The following SLC4A8 variants were observed in gnomAD, a reference collection of about 807,000 sequenced individuals.
The protein encoded by SLC4A8 is electroneutral sodium bicarbonate exchanger 1.
In SLC4A8, 40 loss-of-function variants were observed where a neutral mutation model predicts 125.0. That is an observed-to-expected ratio of 0.32 (90% confidence interval 0.25 to 0.42). The LOEUF (loss-of-function observed/expected upper bound fraction) is 0.42, where lower values mean the gene tolerates loss of function less well. SLC4A8 is among the 10% of genes least tolerant of loss of function. The probability of loss-of-function intolerance (pLI) is 1.00; values close to 1 mark genes in which losing one functional copy is unlikely to be tolerated. For missense variants in SLC4A8, 863 were observed against 1,355.1 expected (o/e 0.64, Z 5.70); for synonymous variants, 456 against 476.0 (o/e 0.96, Z 0.55).
At chr12:51,485,385 T>C (rs1951135517) in intron 16 of SLC4A8, among the ~76,000 whole-genome samples, 1 of 152,012 alleles carries the variant, frequency 6.6e-6, no homozygotes, top group East Asian at 1.9e-4. Context: ...GGAGAGCCAA[T>C]AGGACTTGCA....
At chr12:51,447,056 G>GTCTATCTATCTGTCTA (rs1949794432) in intron 2 of SLC4A8, among the ~76,000 whole-genome samples, 2 of 147,320 alleles carry the variant, frequency 1.4e-5, no homozygotes, top group African/African-American at 5.0e-5. Flanking sequence ...CTGTCTGTCT[G>GTCTATCTATCTGTCTA]TCTATCTATC....
At chr12:51,402,022 C>A (rs879640242) in intron 1 of SLC4A8, among the ~76,000 whole-genome samples, 29 of 152,162 alleles carry the variant, frequency 1.9e-4, no homozygotes, top group Admixed American at 5.2e-4. Context: ...CCTCCTTCAG[C>A]CTCCCAAAGT....
At chr12:51,475,300 A>G in intron 16 of SLC4A8, 94 bp downstream of exon 16, 10 of 1,280,486 alleles carry the variant, frequency 7.8e-6, no homozygotes, top group Middle Eastern at 1.9e-4. Flanking sequence ...TTGATTGGCC[A>G]GGTGGAGAAC....
Position 51,403,357 on chromosome 12 carries a change from C to T in SLC4A8, c.-112+11869C>T, listed in dbSNP as rs1049916447. 1.9e-5 allele frequency: 8 copies of T among 419,888 alleles called. No individual in the cohort carries two copies. The East Asian group carries it at 5.9e-4, about 31-fold the overall frequency. The allele number at this position is 419,888 out of a possible 1,614,324, so 26.0% of individuals were successfully genotyped here. A position where few individuals can be genotyped will look rare whatever the true frequency, so the allele number is the denominator to read the frequency against. On this transcript the variant is annotated intron_variant, in intron 1 of 24. Coordinates refer to the SLC4A8 transcript ENST00000358657. The stretch of plus-strand genomic sequence containing the variant: ...TACTTACTCATTTCCAGAGTTTGGG[C>T]AGGAGCCATGACAGCCTGTTGATGA...
At chr12:51,491,740 G>GACACACACACACACACACACACACAC (rs35694156) in intron 19 of SLC4A8, among the ~76,000 whole-genome samples, 1 of 145,930 alleles carries the variant, frequency 6.9e-6, no homozygotes, top group African/African-American at 2.5e-5. Context: ...GGGATGGGCA[G>GACACACACACACACACACACACACAC]ACACACACAC....
rs1201651831 is a variant in SLC4A8 at position 51,417,709 on chromosome 12, G to C, written c.-111-22999G>C. 1.1e-4 allele frequency among the ~76,000 whole-genome samples: 17 copies of C among 152,300 alleles called. 1 individual carries two copies. The highest frequency in any genetic ancestry group is 9.2e-4 in the Admixed American group (14 of 15,300). ...ATTTTTGTATTTTTAGTAGAGACGGGGTTTCACTATGTTGGCCAGGCTGGT... is the reference window on the plus strand; with the variant it reads ...ATTTTTGTATTTTTAGTAGAGACGGCGTTTCACTATGTTGGCCAGGCTGGT... On this transcript the variant is annotated intron_variant, in intron 1 of 24. Coordinates refer to the SLC4A8 transcript ENST00000358657.
intron 8 of SLC4A8, among the ~76,000 whole-genome samples, 190 bp from the exon 9 acceptor site, chr12:51,461,014 C>T (rs1425494323): frequency 6.6e-6 from 1 of 152,014 alleles, no homozygotes; most frequent in Non-Finnish European, 1.5e-5. Context: ...GCTTCCAATG[C>T]CCATAGTGGA....
chr12:51,428,512 A>G (rs377076474), intron 1 of SLC4A8, among the ~76,000 whole-genome samples: 8 of 152,240 alleles, frequency 5.3e-5, no homozygotes, highest in African/African-American at 1.9e-4. Flanking sequence ...TCTTCCCTCT[A>G]TGTTGTGCCT....
intron 2 of SLC4A8, among the ~76,000 whole-genome samples, chr12:51,444,467 AT>A (rs2138147584): frequency 6.8e-6 from 1 of 146,988 alleles, no homozygotes; most frequent in South Asian, 2.1e-4. Context: ...GTTCGTGATA[AT>A]TGATTGTACT....
chr12:51,502,837 ATTT>A (rs557351749), intron 22 of SLC4A8, among the ~76,000 whole-genome samples: 3 of 118,386 alleles, frequency 2.5e-5, no homozygotes, highest in African/African-American at 3.4e-5. Flanking sequence ...CGCCCGACTA[ATTT>A]TTTTTTTTTT....
At chr12:51,462,695 C>A (rs7973915) in intron 10 of SLC4A8, 133,351 of 264,336 alleles carry the variant, frequency 0.5, 33,961 homozygotes, top group Non-Finnish European at 0.54. Context: ...GAGTTTGAGA[C>A]CAGCCTGGCC....
At chr12:51,426,994 A>C (rs542781001) in intron 1 of SLC4A8, among the ~76,000 whole-genome samples, 1 of 138,930 alleles carries the variant, frequency 7.2e-6, no homozygotes, top group Non-Finnish European at 1.5e-5. Context: ...GCTGGAGTGC[A>C]GTGGTGCGAT....
Position 51,425,311 on chromosome 12 carries a change from G to A in SLC4A8, c.48+276G>A, listed in dbSNP as rs1948932505. On this transcript the variant is annotated intron_variant, in intron 1 of 24. Transcript: ENST00000453097. ...GGAGCCCTGACAGCCGGCGGGCGGC[G>A]ACCTCTTGTTCTCCTCGCGTCTTTC... 7 of 1,281,386 alleles carry A rather than the reference G, an allele frequency of 5.5e-6. No homozygotes were observed. The South Asian group carries it at 1.6e-4, about 30-fold the overall frequency. 79.4% of individuals were successfully genotyped at this position (1,281,386 alleles called of 1,614,324 possible).
At chr12:51,453,123 G>A (rs1592208752) in intron 4 of SLC4A8, among the ~76,000 whole-genome samples, 1 of 152,166 alleles carries the variant, frequency 6.6e-6, no homozygotes, top group Non-Finnish European at 1.5e-5. Context: ...TTTTATTAAT[G>A]TGGTTTGTCA....
chr12:51,459,623 A>T (rs752070909), intron 7 of SLC4A8, among the ~76,000 whole-genome samples: 1 of 152,174 alleles, frequency 6.6e-6, no homozygotes, highest in African/African-American at 2.4e-5. Context: ...TAATCTCAGC[A>T]CTTTTGGAGG....
At chr12:51,480,363 G>T in intron 16 of SLC4A8, 1 of 1,166,946 alleles carries the variant, frequency 8.6e-7, no homozygotes, top group Non-Finnish European at 1.1e-6. Flanking sequence ...TAAAAGTCTA[G>T]AATGTGCTGC....
chr12:51,469,181 G>C (rs1950616405), intron 11 of SLC4A8: 1 of 154,978 alleles, frequency 6.5e-6, no homozygotes, highest in Non-Finnish European at 1.4e-5. Context: ...TCACAAGTAA[G>C]GGGGGTAGTT....
intron 1 of SLC4A8, among the ~76,000 whole-genome samples, chr12:51,408,701 T>C (rs1189205607): frequency 4.6e-5 from 7 of 152,220 alleles, no homozygotes; most frequent in African/African-American, 1.4e-4. Flanking sequence ...TGAGGGGAAC[T>C]GGGGCTCTGC....
Position 51,399,280 on chromosome 12 carries a change from T to A in SLC4A8, c.-112+7792T>A, listed in dbSNP as rs139989409. On this transcript the variant is annotated intron_variant, in intron 1 of 24. Transcript: ENST00000358657. ...ATTTTCAATAGGTGATATGTGCATA[T>A]GGCAAAAAAAATCTAAAGCTCAAAA... is the stretch of plus-strand genomic sequence containing the variant. 3.5e-3 allele frequency among the ~76,000 whole-genome samples: 533 copies of A among 152,256 alleles called. 4 individuals are homozygous for A. The highest frequency in any genetic ancestry group is 0.012 in the African/African-American group (506 of 41,556).
Sources: allele counts gnomAD v4.1 joint callset (sites outside exome capture counted in the v4.1 genomes callset), GRCh38; gene constraint gnomAD v4.1.1; transcripts MANE v1.5; gene names NCBI Gene and HGNC (gene_info 2026-07-23, HGNC 2026-07-21).